Variants in GLI3 observed in about 807,000 individuals in gnomAD.
The protein encoded by GLI3 is GLI family zinc finger 3, also known as transcription activator GLI3.
A neutral mutation model predicts 100.8 loss-of-function variants in GLI3; 20 were observed. That is an observed-to-expected ratio of 0.20 (90% CI 0.14 to 0.29). The LOEUF (loss-of-function observed/expected upper bound fraction) is 0.29. GLI3 is among the 10% of genes least tolerant of loss of function. The probability of loss-of-function intolerance (pLI) is 1.00; values close to 1 mark genes in which losing one functional copy is unlikely to be tolerated. For missense variants in GLI3, 2,040 were observed against 2,128.5 expected (o/e 0.96, Z 0.82); for synonymous variants, 938 against 860.5 (o/e 1.09, Z -1.58).
At chr7:42,052,945 G>A (rs886991957) in intron 4 of GLI3, among the ~76,000 whole-genome samples, 4 of 152,164 alleles carry the variant, frequency 2.6e-5, no homozygotes, top group Admixed American at 6.5e-5. Flanking sequence ...CTTACCTAAC[G>A]GAGCCATCTT....
intron 2 of GLI3, among the ~76,000 whole-genome samples, chr7:42,190,140 CAA>C (rs11341473): frequency 0.095 from 13,371 of 140,032 alleles, 744 homozygotes; most frequent in African/African-American, 0.15. Flanking sequence ...ATCTTACTGT[CAA>C]AAAAAAAAAA....
chr7:42,144,049 CAT>C (rs1284730957), intron 3 of GLI3, among the ~76,000 whole-genome samples: 2 of 152,136 alleles, frequency 1.3e-5, no homozygotes, highest in African/African-American at 4.8e-5. Flanking sequence ...CAATGCAACA[CAT>C]GTTTTCTGTA....
intron 10 of GLI3, among the ~76,000 whole-genome samples, chr7:41,983,006 A>G (rs1440245649): frequency 6.6e-6 from 1 of 152,264 alleles, no homozygotes; most frequent in African/African-American, 2.4e-5. Flanking sequence ...TGAATGGGTT[A>G]TCTGTTCATT....
intron 2 of GLI3, among the ~76,000 whole-genome samples, chr7:42,182,668 ATATATATATATATACACATGTGTG>A (rs1261998070): frequency 2.7e-4 from 21 of 77,990 alleles, no homozygotes; most frequent in Admixed American, 8.4e-4. Flanking sequence ...ATATATATAT[ATATATATATATATACACATGTGTG>A]TATATATATA....
At chr7:42,081,713 C>T (rs891840476) in intron 3 of GLI3, among the ~76,000 whole-genome samples, 7 of 152,098 alleles carry the variant, frequency 4.6e-5, no homozygotes, top group Non-Finnish European at 8.8e-5. Context: ...TATAAGATCT[C>T]TTGGATGCCA....
At chr7:41,969,247 C>A (rs1583737575) in intron 13 of GLI3, among the ~76,000 whole-genome samples, 1 of 152,308 alleles carries the variant, frequency 6.6e-6, no homozygotes, top group South Asian at 2.1e-4. Flanking sequence ...AGGCCGGCTA[C>A]TTCCATGCGT....
intron 3 of GLI3, among the ~76,000 whole-genome samples, chr7:42,124,450 C>A (rs3801198): frequency 0.035 from 5,393 of 152,244 alleles, 118 homozygotes; most frequent in South Asian, 0.084. Flanking sequence ...AAACCAACAC[C>A]GGAGAAGCTG....
rs1787576414 is a variant in GLI3, at chr7:41,978,736, C to T, written c.1510G>A (p.Asp504Asn). The change falls in exon 11 of 15, where the codon GAC becomes AAC. Residue 504 changes from aspartate (D) to asparagine (N), a missense_variant. Physicochemically the swap from Asp to Asn is conservative, Grantham distance 23. This residue lies in a region of GLI3 where 603 missense variants were observed against 690.9 expected (regional missense o/e 0.87). Coordinates refer to ENST00000395925, the MANE Select transcript of GLI3 (RefSeq NM_000168.6). ...QEQLVHHINN[D>N]HIHGEKKEFV... Reference sequence around the variant, plus strand: ...TCCTTCTTCTCTCCATGAATATGGTCGTTATTTATATGCTGGGGTTTGGAA... The same window carrying T: ...TCCTTCTTCTCTCCATGAATATGGTTGTTATTTATATGCTGGGGTTTGGAA... 6.2e-7 allele frequency: 1 copy of T among 1,613,684 alleles called. No homozygotes were observed. The highest frequency in any genetic ancestry group is 1.1e-5 in the South Asian group (1 of 91,016).
chr7:42,258,243 T>C (rs1050087497), intron 1 of GLI3, among the ~76,000 whole-genome samples: 3 of 152,240 alleles, frequency 2.0e-5, no homozygotes, highest in Non-Finnish European at 4.4e-5. Flanking sequence ...TATTTTATAT[T>C]TTGATTTGAA....
At chr7:42,022,100 CT>C (rs966067371) in intron 10 of GLI3, among the ~76,000 whole-genome samples, 21 of 151,652 alleles carry the variant, frequency 1.4e-4, no homozygotes, top group African/African-American at 4.1e-4. Context: ...AAACATTTGA[CT>C]TTTTTTTTCT....
chr7:41,978,833 C>T (rs1309733573), intron 10 of GLI3, 85 bp from the exon 11 acceptor site: 2 of 1,214,646 alleles, frequency 1.6e-6, no homozygotes, highest in African/African-American at 3.0e-5. Context: ...AGAAAATACC[C>T]CAATCTTAAA....
chr7:41,993,332 G>A (rs1050735658), intron 10 of GLI3, among the ~76,000 whole-genome samples: 10 of 152,222 alleles, frequency 6.6e-5, no homozygotes, highest in Middle Eastern at 3.4e-3. Flanking sequence ...GTCACTGAGC[G>A]AGGATAACTT....
chr7:41,991,430 G>T (rs1017512229), intron 10 of GLI3, among the ~76,000 whole-genome samples: 19 of 152,106 alleles, frequency 1.2e-4, no homozygotes, highest in African/African-American at 4.3e-4. Context: ...AGCCACCCTG[G>T]TGTGCAGTAC....
At chr7:42,220,271 T>C (rs2108364) in intron 2 of GLI3, among the ~76,000 whole-genome samples, 68,807 of 152,046 alleles carry the variant, frequency 0.45, 16,812 homozygotes, top group East Asian at 0.76. Flanking sequence ...ATAGCATCCA[T>C]ATGATTCTGT....
At chr7:42,190,531 A>T (rs1787807094) in intron 2 of GLI3, among the ~76,000 whole-genome samples, 1 of 152,242 alleles carries the variant, frequency 6.6e-6, no homozygotes, top group Admixed American at 6.5e-5. Flanking sequence ...AAACTGAAAT[A>T]GCTCTTCAAA....
At chr7:42,235,424 G>A (rs1329561764) in intron 1 of GLI3, among the ~76,000 whole-genome samples, 1 of 152,132 alleles carries the variant, frequency 6.6e-6, no homozygotes, top group Non-Finnish European at 1.5e-5. Context: ...GACGGCCAGG[G>A]TGCAGGCCCC....
intron 10 of GLI3, among the ~76,000 whole-genome samples, chr7:42,019,753 A>G (rs1467585954): frequency 6.6e-6 from 1 of 152,244 alleles, no homozygotes; most frequent in Non-Finnish European, 1.5e-5. Context: ...GCAAGAGAAA[A>G]TACTTGCATC....
At chr7:42,030,746 A>T in intron 7 of GLI3, among the ~76,000 whole-genome samples, 2 of 135,034 alleles carry the variant, frequency 1.5e-5, no homozygotes, top group Admixed American at 7.9e-5. Flanking sequence ...TGAGATGGAG[A>T]CTCGTTCTGT....
chr7:42,208,695 T>C (rs555249471), intron 2 of GLI3, among the ~76,000 whole-genome samples: 1 of 152,310 alleles, frequency 6.6e-6, no homozygotes, highest in East Asian at 1.9e-4. Context: ...CATGATGAAC[T>C]ATAACTACAT....
Sources: allele counts gnomAD v4.1 joint callset (sites outside exome capture counted in the v4.1 genomes callset), GRCh38; gene constraint gnomAD v4.1.1; regional missense constraint gnomAD v4.1.1; transcripts MANE v1.5; gene names NCBI Gene and HGNC (gene_info 2026-07-23, HGNC 2026-07-21).